The following PROM1 variants were observed in gnomAD, a reference collection of about 807,000 sequenced individuals.
The protein encoded by PROM1 is prominin 1.
PROM1 carries 105 observed loss-of-function variants against 116.9 expected under a neutral mutation model. That is an observed-to-expected ratio of 0.90 (90% CI 0.77 to 1.06). The LOEUF is 1.06. Among genes scored for constraint, PROM1 ranks in the 50% least tolerant of loss-of-function variants. The pLI, the probability that PROM1 is intolerant of heterozygous loss-of-function variation, is 0.00. For synonymous variants in PROM1, 393 were observed against 387.0 expected (o/e 1.02, Z -0.18); for missense variants, 1,122 against 1,045.2 (o/e 1.07, Z -1.01).
At chr4:16,059,184 G>A (rs148198749) in intron 2 of PROM1, among the ~76,000 whole-genome samples, 2 of 152,270 alleles carry the variant, frequency 1.3e-5, no homozygotes, top group East Asian at 3.9e-4. Flanking sequence ...ACAAGATTCT[G>A]AAATCAGTCA....
rs3221933 is a variant in PROM1 at position 16,005,495 on chromosome 4, GGTGTGTGTGTGTGTGT to G, written c.1454+1027_1454+1042del. Among the ~76,000 whole-genome samples, 751 of 145,898 alleles carry G rather than the reference GGTGTGTGTGTGTGTGT, an allele frequency of 5.1e-3. 3 individuals are homozygous for G. Among genetic ancestry groups the G allele is most frequent in the East Asian group, 0.02 (97 of 4,882 alleles). ...GTGACCCAAAGTTTTTTGTTTGTTT[GGTGTGTGTGTGTGTGT>G]GTGTGTGTGTGTGTGTGTGTGTGTG... On this transcript the variant is annotated intron_variant, in intron 13 of 27. Coordinates refer to ENST00000447510, the MANE Select transcript of PROM1 (RefSeq NM_006017.3).
At chr4:15,998,106 T>C (rs1256409013) in intron 15 of PROM1, among the ~76,000 whole-genome samples, 3 of 152,164 alleles carry the variant, frequency 2.0e-5, no homozygotes, top group Non-Finnish European at 2.9e-5. Flanking sequence ...TCTCATGGGG[T>C]CCCATTAGTG....
At chr4:16,018,770 A>G (rs1729072209) in intron 8 of PROM1, among the ~76,000 whole-genome samples, 1 of 152,164 alleles carries the variant, frequency 6.6e-6, no homozygotes, top group Non-Finnish European at 1.5e-5. Context: ...AACAAGAAGC[A>G]GGGGGCAAGC....
intron 26 of PROM1, chr4:15,976,069 G>T: frequency 2.4e-6 from 1 of 423,754 alleles, no homozygotes; most frequent in Non-Finnish European, 4.8e-6. Context: ...TGTATGAAGT[G>T]CTAGGCCCTT....
intron 12 of PROM1, among the ~76,000 whole-genome samples, chr4:16,008,139 C>T (rs1042937728): frequency 1.3e-5 from 2 of 152,176 alleles, no homozygotes; most frequent in African/African-American, 4.8e-5. Context: ...ATCCTGTGGT[C>T]TTGTATAAGA....
At chr4:15,974,436 A>G (rs991573977) in intron 26 of PROM1, among the ~76,000 whole-genome samples, 4 of 152,208 alleles carry the variant, frequency 2.6e-5, no homozygotes, top group Non-Finnish European at 4.4e-5. Flanking sequence ...AAATAGAAAT[A>G]AAAGAAAAAG....
At chr4:16,037,596 G>T (rs1186001411) in intron 3 of PROM1, among the ~76,000 whole-genome samples, 2 of 152,138 alleles carry the variant, frequency 1.3e-5, no homozygotes, top group African/African-American at 4.8e-5. Flanking sequence ...GATTTGTTGT[G>T]CAGGCCAGTA....
At chr4:16,002,524 T>A (rs1301626619) in intron 13 of PROM1, among the ~76,000 whole-genome samples, 1 of 152,200 alleles carries the variant, frequency 6.6e-6, no homozygotes, top group Admixed American at 6.5e-5. Context: ...ATTCTCCCCT[T>A]TGCCTGCAGA....
intron 2 of PROM1, among the ~76,000 whole-genome samples, chr4:16,047,395 G>A (rs918110578): frequency 6.6e-6 from 1 of 151,798 alleles, no homozygotes; most frequent in African/African-American, 2.4e-5. Flanking sequence ...AGTAGGGATG[G>A]GATTTCACCA....
chr4:16,028,901 G>GA, intron 5 of PROM1, among the ~76,000 whole-genome samples: 1 of 152,094 alleles, frequency 6.6e-6, no homozygotes, highest in Middle Eastern at 3.4e-3. Context: ...TTTTATTATG[G>GA]AAAAAACAAT....
chr4:16,024,619 G>A (rs1730770528), intron 6 of PROM1, among the ~76,000 whole-genome samples: 1 of 152,056 alleles, frequency 6.6e-6, no homozygotes, highest in Non-Finnish European at 1.5e-5. Context: ...AGAAGAAAGG[G>A]TACTTCCTCT....
Position 16,055,356 on chromosome 4 carries a change from G to A in PROM1, c.221-16355C>T, listed in dbSNP as rs528104257. The A allele has an allele frequency of 1.9e-3, 866 of 455,924 alleles. 7 individuals carry two copies. Among genetic ancestry groups the A allele is most frequent in the South Asian group, 0.013 (838 of 64,508 alleles). The allele number at this position is 455,924 out of a possible 1,614,324, so 28.2% of individuals were successfully genotyped here. A position where few individuals can be genotyped will look rare whatever the true frequency, so the allele number is the denominator to read the frequency against. ...AACCTCCCAGGCAAAAATTCCCCTTGTCCTCTTTCTGGCTTCGTTATCCTA... is the reference window on the plus strand; with the variant it reads ...AACCTCCCAGGCAAAAATTCCCCTTATCCTCTTTCTGGCTTCGTTATCCTA... On this transcript the variant is annotated intron_variant, in intron 2 of 27. Coordinates refer to ENST00000447510, the MANE Select transcript of PROM1 (RefSeq NM_006017.3).
Position 16,023,417 on chromosome 4 carries a change from T to A in PROM1, c.695-2A>T. ...CGCCTCCTAGCACTGAATTGATACC[T>A]ACATGCAAATAAGCACAAAGATGGT... On this transcript the variant is annotated splice_acceptor_variant, in intron 7 of 27. Coordinates refer to ENST00000447510, the MANE Select transcript of PROM1 (RefSeq NM_006017.3). LOFTEE classifies it high-confidence loss of function. 1 of 1,587,130 alleles carries A rather than the reference T, an allele frequency of 6.3e-7. No individual in the cohort carries two copies. Among genetic ancestry groups the A allele is most frequent in the African/African-American group, 1.3e-5 (1 of 74,510 alleles).
chr4:16,030,088 T>C lies in PROM1; in HGVS notation c.509+3216A>G, dbSNP rs144140171. Among the ~76,000 whole-genome samples the C allele has an allele frequency of 9.8e-4, 149 of 152,330 alleles. 1 individual carries two copies. Among genetic ancestry groups the C allele is most frequent in the African/African-American group, 3.4e-3 (140 of 41,578 alleles). ...TCCCCAGGTCTTTAATCCTCCTGCC[T>C]AGCTTGGATTACTTGCAAACAATAT... On this transcript the variant is annotated intron_variant, in intron 5 of 27. Transcript: ENST00000447510.
intron 1 of PROM1, chr4:16,082,492 G>C (rs1178656840): frequency 6.6e-6 from 1 of 152,280 alleles, no homozygotes; most frequent in Non-Finnish European, 1.5e-5. Context: ...GCAGAATGAA[G>C]CCTGGGGCGC....
chr4:15,976,311 T>C (rs1369401746), intron 26 of PROM1: 1 of 421,368 alleles, frequency 2.4e-6, no homozygotes, highest in African/African-American at 2.0e-5. Flanking sequence ...TTTTTTCTTG[T>C]ACAGCAAGTT....
intron 26 of PROM1, among the ~76,000 whole-genome samples, chr4:15,972,385 C>T (rs774894433): frequency 5.9e-5 from 9 of 152,254 alleles, no homozygotes; most frequent in African/African-American, 1.2e-4. Flanking sequence ...GCTTTCATGA[C>T]GCATCATCCC....
rs376167845 is a variant in PROM1, at chr4:15,979,361, T to C, written c.2582+34A>G. 5.0e-6 allele frequency: 8 copies of C among 1,613,422 alleles called. No individual in the cohort carries two copies. The Admixed American group carries it at 6.7e-5, about 13-fold the overall frequency. ...CTATAGGAGATGAGACGGTTTATCA[T>C]AGGGCGGGCATGCACTTCCAGACTT... On this transcript the variant is annotated intron_variant, in intron 26 of 27. Transcript: ENST00000447510.
chr4:16,038,063 G>A (rs954143826), intron 3 of PROM1: 2 of 152,104 alleles, frequency 1.3e-5, no homozygotes, highest in African/African-American at 2.4e-5. Flanking sequence ...AATGTGAGAA[G>A]AGCGCCCACC....
Sources: allele counts gnomAD v4.1 joint callset (sites outside exome capture counted in the v4.1 genomes callset), GRCh38; gene constraint gnomAD v4.1.1; transcripts MANE v1.5; gene names NCBI Gene and HGNC (gene_info 2026-07-23, HGNC 2026-07-21).